The following ARHGEF2 variants were observed in gnomAD, a reference collection of about 807,000 sequenced individuals.
ARHGEF2 encodes the protein Rho/Rac guanine nucleotide exchange factor 2.
A neutral mutation model predicts 121.0 loss-of-function variants in ARHGEF2; 22 were observed. That is an observed-to-expected ratio of 0.18 (90% CI 0.13 to 0.26). The LOEUF is 0.26. ARHGEF2 is among the 10% of genes least tolerant of loss of function. The pLI is 1.00. For synonymous variants in ARHGEF2, 487 were observed against 530.0 expected, an observed-to-expected ratio of 0.92 and a Z score of 1.11; for missense variants, 907 against 1,336.0, an observed-to-expected ratio of 0.68 and a Z score of 5.01.
chr1:155,950,796 C>A lies in ARHGEF2; in HGVS notation c.2703+33G>T. On this transcript the variant is annotated intron_variant, in intron 20 of 21. Coordinates refer to ENST00000361247, the MANE Select transcript of ARHGEF2 (RefSeq NM_001162383.2). The surrounding 1 kb of genome is among the most constrained non-coding windows in gnomAD (Gnocchi z 5.2). ...GGGCTCCATGGACCCTTATGTCCAC[C>A]CCAGGTCCATTCACCACTGCAGGCC... 6.6e-7 allele frequency: 1 copy of A among 1,512,302 alleles called. No individual in the cohort carries two copies. Among genetic ancestry groups the A allele is most frequent in the Non-Finnish European group, 8.9e-7 (1 of 1,129,500 alleles). 93.7% of individuals were successfully genotyped at this position (1,512,302 alleles called of 1,614,324 possible).
chr1:155,950,274 G>A lies in ARHGEF2; in HGVS notation c.2887+25C>T. On this transcript the variant is annotated intron_variant, in intron 21 of 21. Transcript: ENST00000361247. This position sits in a 1 kb window ranked among gnomAD's most constrained non-coding sequence, Gnocchi z 5.2. ...GTACCCAGGCTGCACTCTACCTCTG[G>A]TCCATGTCTCCGCCAGGGTCTCACC... 6.2e-7 allele frequency: 1 copy of A among 1,608,954 alleles called. No homozygotes were observed. The highest frequency in any genetic ancestry group is 8.5e-7 in the Non-Finnish European group (1 of 1,179,570).
rs1674655254 is a variant in ARHGEF2, at chr1:155,947,965, C to A, written c.2938G>T (p.Glu980Ter). 2 of 1,550,932 alleles carry A rather than the reference C, an allele frequency of 1.3e-6. No individual in the cohort carries two copies. Among genetic ancestry groups the A allele is most frequent in the Admixed American group, 2.0e-5 (1 of 50,970 alleles). The part of the protein sequence containing the change: ...IPEETESRDG[E>*]AVASES ...CCTTAGCTCTCGGAGGCTACAGCCT[C>A]CCCGTCGCGGCTCTCCGTCTCCTCC... Residue 980 changes from glutamate (E) to a stop codon, truncating the protein, a stop_gained, in exon 22 of 22, where the codon GAG becomes TAG. Coordinates refer to ENST00000361247, the MANE Select transcript of ARHGEF2 (RefSeq NM_001162383.2). LOFTEE classifies it high-confidence loss of function.
chr1:155,964,109 C>T (rs575227901), intron 7 of ARHGEF2, among the ~76,000 whole-genome samples: 1 of 134,932 alleles, frequency 7.4e-6, no homozygotes, highest in Non-Finnish European at 1.5e-5. Flanking sequence ...AGCGCCAGTG[C>T]ACTCCAGCAT....
At position 155,951,798 on chromosome 1, in the gene ARHGEF2, G is replaced by C. The variant is rs1259361020; in HGVS notation, c.2173-22C>G. ...GATCCTGCAGAAATGGGCAAGAATG[G>C]GGAGTCAGCAGGCACACAAATCCTG... On this transcript the variant is annotated intron_variant, in intron 17 of 21. Coordinates refer to ENST00000361247, the MANE Select transcript of ARHGEF2 (RefSeq NM_001162383.2). The surrounding 1 kb of genome is among the most constrained non-coding windows in gnomAD (Gnocchi z 5.1). The C allele has an allele frequency of 6.2e-7, 1 of 1,613,668 alleles. No homozygotes were observed.
At chr1:155,952,865 TA>T (rs780775149) in intron 14 of ARHGEF2, 37 bp from the exon 15 acceptor site, 2 of 1,609,024 alleles carry the variant, frequency 1.2e-6, no homozygotes, top group South Asian at 2.2e-5. Flanking sequence ...TGAGAGGACG[TA>T]GGGGTATGCA....
At chr1:155,978,670 G>C, upstream of ARHGEF2, 1 of 1,069,174 alleles carries the variant, frequency 9.4e-7, no homozygotes, top group Non-Finnish European at 1.2e-6. The surrounding 1 kb of genome is among the most constrained non-coding windows in gnomAD (Gnocchi z 4.1). Flanking sequence ...GGACGCCAGG[G>C]TTTGTGTGGG....
chr1:155,971,423 C>CA (rs1680430894), intron 1 of ARHGEF2, among the ~76,000 whole-genome samples: 1 of 151,342 alleles, frequency 6.6e-6, no homozygotes, highest in Non-Finnish European at 1.5e-5. Context: ...ACTAAAAATA[C>CA]AAAAAATTAG....
rs765138663 is a variant in ARHGEF2, at chr1:155,957,846, C to G, written c.1582G>C (p.Val528Leu). Residue 528 changes from valine (V) to leucine (L), a missense_variant, in exon 13 of 22, where the codon GTA becomes CTA. By Grantham distance (32) the Val-to-Leu change is conservative. Transcript: ENST00000361247. ...PSVVSLQNLI[V>L]RDIANQEKGM... Reference sequence around the variant, plus strand: ...TTCTCCTGGTTGGCAATGTCTCGTACGATTAGATTCTGCAGCGATACCACT... The same window carrying G: ...TTCTCCTGGTTGGCAATGTCTCGTAGGATTAGATTCTGCAGCGATACCACT... 1 of 1,613,992 alleles carries G rather than the reference C, an allele frequency of 6.2e-7. No homozygotes were observed. The highest frequency in any genetic ancestry group is 1.3e-5 in the African/African-American group (1 of 74,918).
In ARHGEF2 at chr1:155,966,270, T is replaced by G. The variant is rs1026330410; in HGVS notation, c.340+146A>C. 1.4e-5 allele frequency: 11 copies of G among 764,068 alleles called. No homozygotes were observed. In the African/African-American group the frequency reaches 1.7e-4, roughly 12 times the overall value. The allele number at this position is 764,068 out of a possible 1,614,324, so 47.3% of individuals were successfully genotyped here. ...CCTCTAAGTCCAAGAGTCCGAACCC[T>G]CCCTTAGGCCCCCACTATCTGCTTC... On this transcript the variant is annotated intron_variant, in intron 4 of 21. Transcript: ENST00000361247.
Position 155,978,402 on chromosome 1 carries a change from C to A in ARHGEF2, c.26G>T (p.Arg9Leu). 6.6e-7 allele frequency: 1 copy of A among 1,516,354 alleles called. No individual in the cohort carries two copies. Among genetic ancestry groups the A allele is most frequent in the Non-Finnish European group, 8.9e-7 (1 of 1,122,872 alleles). The allele number at this position is 1,516,354 out of a possible 1,614,324, so 93.9% of individuals were successfully genotyped here. The change falls in exon 1 of 22, where the codon CGG becomes CTG. Residue 9 changes from arginine to leucine, a missense_variant. Physicochemically the swap from Arg to Leu is moderately radical, Grantham distance 102. Around this residue, in one of 2 missense-constraint regions of ARHGEF2, gnomAD observed 475 missense variants for 776.5 expected, o/e 0.61. Coordinates refer to ENST00000361247, the MANE Select transcript of ARHGEF2 (RefSeq NM_001162383.2). The surrounding 1 kb of genome is among the most constrained non-coding windows in gnomAD (Gnocchi z 4.1). MSRIESLT[R>L]ARIDRSRELA... Reference sequence around the variant, plus strand: ...CTCTCTGCTCCGGTCGATCCGCGCCCGCGTGAGGGATTCGATCCGAGACAT... The same window carrying A: ...CTCTCTGCTCCGGTCGATCCGCGCCAGCGTGAGGGATTCGATCCGAGACAT...
At chr1:155,964,167 A>AAAAAAAATATATATATAT (rs1553244640) in intron 7 of ARHGEF2, among the ~76,000 whole-genome samples, 1 of 91,240 alleles carries the variant, frequency 1.1e-5, no homozygotes, top group African/African-American at 6.1e-5. Context: ...AAAAAAAAAA[A>AAAAAAAATATATATATAT]ATATATATAT....
chr1:155,965,607 C>A lies in ARHGEF2; in HGVS notation c.470+24G>T. On this transcript the variant is annotated intron_variant, in intron 5 of 21. Transcript: ENST00000361247. This position sits in a 1 kb window ranked among gnomAD's most constrained non-coding sequence, Gnocchi z 6.0. ...CTCCACTGCCACACTCTCTGGCTGC[C>A]CCTTTCCCCAAACAGAGGCTCACCC... The A allele has an allele frequency of 9.3e-6, 15 of 1,612,400 alleles. No homozygotes were observed. Among genetic ancestry groups the A allele is most frequent in the Non-Finnish European group, 1.3e-5 (15 of 1,179,848 alleles).
chr1:155,954,870 A>G, intron 14 of ARHGEF2, 32 bp downstream of exon 14: 1 of 1,594,392 alleles, frequency 6.3e-7, no homozygotes, highest in East Asian at 2.2e-5. Context: ...TGTATTATAA[A>G]TTACTAAGGA....
In ARHGEF2 at chr1:155,951,493, T is replaced by C. The variant is rs746864776; in HGVS notation, c.2249A>G (p.His750Arg). The C allele has an allele frequency of 2.4e-5, 38 of 1,614,134 alleles. No homozygotes were observed. Among genetic ancestry groups the C allele is most frequent in the Non-Finnish European group, 2.9e-5 (34 of 1,180,008 alleles). Residue 750 changes from histidine (H) to arginine (R), a missense_variant, in exon 19 of 22, where the codon CAT becomes CGT. Physicochemically the swap from His to Arg is conservative, Grantham distance 29 (BLOSUM62 0). Coordinates refer to ENST00000361247, the MANE Select transcript of ARHGEF2 (RefSeq NM_001162383.2). The surrounding 1 kb of genome is among the most constrained non-coding windows in gnomAD (Gnocchi z 5.1). ...CCTTGTCCTACTGACCTGTAGGCCATGTAGAAGTCCATAGAGATTGACCAA... is the reference window on the plus strand; with the variant it reads ...CCTTGTCCTACTGACCTGTAGGCCACGTAGAAGTCCATAGAGATTGACCAA... Reference protein sequence around the residue: ...QRLVNLYGLLHGLQAAVAQQD... With the variant: ...QRLVNLYGLLRGLQAAVAQQD...
rs903612485 is a variant in ARHGEF2 at position 155,952,510 on chromosome 1, G to A, written c.1984+118C>T. ...TGGCCCAGAAGAGGCACTCAGGGCC[G>A]TTTATGGTTTATAGGGTTGGCATCC... On this transcript the variant is annotated intron_variant, in intron 15 of 21. Transcript: ENST00000361247. 1.1e-5 allele frequency: 14 copies of A among 1,243,242 alleles called. No homozygotes were observed. The East Asian group carries it at 1.2e-4, about 11-fold the overall frequency. The allele number at this position is 1,243,242 out of a possible 1,614,324, so 77.0% of individuals were successfully genotyped here. A position where few individuals can be genotyped will look rare whatever the true frequency, so the allele number is the denominator to read the frequency against.
chr1:155,974,679 T>A (rs942510685), intron 1 of ARHGEF2, among the ~76,000 whole-genome samples: 1 of 151,990 alleles, frequency 6.6e-6, no homozygotes, highest in African/African-American at 2.4e-5. Context: ...GCTTAGTGAA[T>A]GAAGATGAGA....
rs146373060 is a variant in ARHGEF2 at position 155,962,988 on chromosome 1, G to C, written c.920C>G (p.Pro307Arg). The C allele has an allele frequency of 1.1e-4, 181 of 1,614,208 alleles. No individual in the cohort carries two copies. The highest frequency in any genetic ancestry group is 1.5e-4 in the Non-Finnish European group (174 of 1,180,050). The change falls in exon 8 of 22, where the codon CCT becomes CGT. Residue 307 changes from proline to arginine, a missense_variant. This residue lies in a region of ARHGEF2 where 475 missense variants were observed against 776.5 expected (regional missense o/e 0.61). Coordinates refer to ENST00000361247, the MANE Select transcript of ARHGEF2 (RefSeq NM_001162383.2). The surrounding 1 kb of genome is among the most constrained non-coding windows in gnomAD (Gnocchi z 5.8). ...LLERRRQALC[P>R]GSTRNFVIHR... ...GATGACAAAGTTCCGGGTGCTGCCAGGGCACAGGGCCTGGCGTCGGCGTTC... is the reference window on the plus strand; with the variant it reads ...GATGACAAAGTTCCGGGTGCTGCCACGGCACAGGGCCTGGCGTCGGCGTTC...
rs928216825 is a variant in ARHGEF2 at position 155,977,889 on chromosome 1, G to A, written c.63+476C>T. Among the ~76,000 whole-genome samples the A allele has an allele frequency of 2.7e-4, 41 of 152,234 alleles. No homozygotes were observed. In the Middle Eastern group the frequency reaches 0.014, roughly 51 times the overall value. ...GGAAGCCGGGAAACCACCCCCTCCC[G>A]TCCCCTCCGCCGGATGGCGGGGACA... On this transcript the variant is annotated intron_variant, in intron 1 of 21. Transcript: ENST00000361247.
chr1:155,950,869 G>A lies in ARHGEF2; in HGVS notation c.2663C>T (p.Pro888Leu). Residue 888 changes from proline (P) to leucine (L), a missense_variant, in exon 20 of 22, where the codon CCC (proline) becomes CTC (leucine). Physicochemically the swap from Pro to Leu is moderately conservative, Grantham distance 98. Transcript: ENST00000361247. This position sits in a 1 kb window ranked among gnomAD's most constrained non-coding sequence, Gnocchi z 5.2. The stretch of plus-strand genomic sequence containing the variant: ...ACTCAAGTACAGGGCATCGCCTGCG[G>A]GGAGGCTGCGCCGCCGAGGATCCAC... ...RPVDPRRRSL[P>L]AGDALYLSFN... 1.3e-6 allele frequency: 2 copies of A among 1,549,972 alleles called. No individual in the cohort carries two copies. The highest frequency in any genetic ancestry group is 1.7e-6 in the Non-Finnish European group (2 of 1,149,368).
Sources: allele counts gnomAD v4.1 joint callset (sites outside exome capture counted in the v4.1 genomes callset), GRCh38; gene constraint gnomAD v4.1.1; regional missense constraint gnomAD v4.1.1; non-coding constraint Gnocchi (gnomAD v3.1); transcripts MANE v1.5; gene names NCBI Gene and HGNC (gene_info 2026-07-23, HGNC 2026-07-21).